Variants in USP24 observed in about 807,000 individuals in gnomAD.
USP24 encodes the protein ubiquitin carboxyl-terminal hydrolase 24.
In USP24, 97 loss-of-function variants were observed where a neutral mutation model predicts 361.6. The observed-to-expected ratio is 0.27, with a 90% CI of 0.23 to 0.32. The LOEUF is 0.32. USP24 is among the 10% of genes least tolerant of loss of function. USP24 has a pLI of 1.00. For synonymous variants in USP24, 1,098 were observed against 1,124.6 expected (o/e 0.98, Z 0.47); for missense variants, 2,353 against 3,165.6 (o/e 0.74, Z 6.16).
intron 16 of USP24, among the ~76,000 whole-genome samples, chr1:55,150,380 C>G (rs1448158742): frequency 6.6e-6 from 1 of 152,076 alleles, no homozygotes; most frequent in Admixed American, 6.6e-5. Context: ...ATCTGAGATG[C>G]AGGGTGCAAT....
At chr1:55,175,127 A>T (rs1027408054) in intron 3 of USP24, among the ~76,000 whole-genome samples, 3 of 149,858 alleles carry the variant, frequency 2.0e-5, no homozygotes, top group Non-Finnish European at 3.0e-5. Flanking sequence ...TTATATATAT[A>T]TTTTTTAAGG....
At chr1:55,171,063 T>A (rs555326676) in intron 5 of USP24, among the ~76,000 whole-genome samples, 1 of 152,214 alleles carries the variant, frequency 6.6e-6, no homozygotes, top group Non-Finnish European at 1.5e-5. Flanking sequence ...GTTTAGATTA[T>A]CTACTTCTTG....
At chr1:55,115,245 G>A (rs778272846) in intron 38 of USP24, among the ~76,000 whole-genome samples, 2 of 151,990 alleles carry the variant, frequency 1.3e-5, no homozygotes, top group Admixed American at 6.5e-5. Context: ...AAGGCCGGGC[G>A]CGGTGGCTCA....
chr1:55,168,820 G>A (rs1486641047), intron 5 of USP24, among the ~76,000 whole-genome samples: 2 of 152,120 alleles, frequency 1.3e-5, no homozygotes, highest in African/African-American at 4.8e-5. Context: ...ATTCTAAAAT[G>A]GTCACAAACT....
rs993366647 is a variant in USP24, at chr1:55,121,353, C to T, written c.4347+83G>A. On this transcript the variant is annotated intron_variant, in intron 37 of 67. Coordinates refer to ENST00000294383, the MANE Select transcript of USP24 (RefSeq NM_015306.3). Reference sequence around the variant, plus strand: ...GAGCACTCAATGCCACTCCTGTATTCCCGACAATGTCACAGGTAGTTGAGA... The same window carrying T: ...GAGCACTCAATGCCACTCCTGTATTTCCGACAATGTCACAGGTAGTTGAGA... 1.4e-5 allele frequency: 18 copies of T among 1,282,744 alleles called. No individual in the cohort carries two copies. The African/African-American group carries it at 2.5e-4, about 18-fold the overall frequency. The allele number at this position is 1,282,744 out of a possible 1,614,324, so 79.5% of individuals were successfully genotyped here.
intron 54 of USP24, among the ~76,000 whole-genome samples, chr1:55,089,988 A>G (rs1314799537): frequency 6.6e-6 from 1 of 152,112 alleles, no homozygotes; most frequent in Non-Finnish European, 1.5e-5. Context: ...ACAAACAAAA[A>G]AGTGTAAAGA....
chr1:55,106,706 C>T (rs1645783664), intron 40 of USP24, among the ~76,000 whole-genome samples: 3 of 152,124 alleles, frequency 2.0e-5, no homozygotes, highest in Admixed American at 1.3e-4. Context: ...TTCTATGTAT[C>T]CCCAGTAGCC....
chr1:55,086,983 T>C (rs2100450872), intron 55 of USP24, among the ~76,000 whole-genome samples: 2 of 152,360 alleles, frequency 1.3e-5, no homozygotes, highest in East Asian at 3.9e-4. Context: ...TAGATCAATC[T>C]GTAAGCAATA....
At chr1:55,138,760 G>C (rs1557621027) in intron 25 of USP24, 42 bp from the exon 26 acceptor site, 1 of 1,446,976 alleles carries the variant, frequency 6.9e-7, no homozygotes, top group South Asian at 1.2e-5. Context: ...CAGCACCACT[G>C]ATAAACACAT....
intron 1 of USP24, among the ~76,000 whole-genome samples, chr1:55,187,636 A>G (rs1289045364): frequency 1.3e-5 from 2 of 152,194 alleles, no homozygotes; most frequent in African/African-American, 2.4e-5. Flanking sequence ...TACACTAACA[A>G]CTGTATTTCT....
intron 67 of USP24, among the ~76,000 whole-genome samples, chr1:55,069,417 T>C (rs1440519908): frequency 1.3e-5 from 2 of 152,238 alleles, no homozygotes; most frequent in Admixed American, 6.5e-5. Context: ...ATGGCCATTG[T>C]GCCCGCTTCA....
At chr1:55,099,969 G>A in intron 44 of USP24, 100 bp from the exon 45 acceptor site, 2 of 839,982 alleles carry the variant, frequency 2.4e-6, no homozygotes, top group Non-Finnish European at 3.7e-6. Context: ...ATAAAAATCA[G>A]GTTCACTATT....
chr1:55,163,303 T>C (rs1156870737), intron 7 of USP24, among the ~76,000 whole-genome samples: 1 of 151,978 alleles, frequency 6.6e-6, no homozygotes, highest in African/African-American at 2.4e-5. Context: ...AACTTCTATA[T>C]AGCAAAAGAT....
chr1:55,178,204 C>T (rs1650183888), intron 1 of USP24, 72 bp from the exon 2 acceptor site: 1 of 1,494,192 alleles, frequency 6.7e-7, no homozygotes, highest in Non-Finnish European at 9.1e-7. Context: ...TCCTATGTAA[C>T]ACAGAGCAGA....
rs368095794 is a variant in USP24 at position 55,097,014 on chromosome 1, A to C, written c.5874T>G (p.Gly1958=). The C allele has an allele frequency of 5.0e-6, 8 of 1,613,788 alleles. No homozygotes were observed. Among genetic ancestry groups the C allele is most frequent in the Admixed American group, 3.3e-5 (2 of 59,990 alleles). The change falls in exon 49 of 68, where the codon GGT becomes GGG. Residue 1958 remains glycine (G), a synonymous_variant. Transcript: ENST00000294383. ...GTGCCTGCCCACTGTGTACGATGAC[A>C]CCGACAAGTTCATAGTTTTCTGTGA... ...VALTENYELV[G]VIVHSGQAHA...
chr1:55,089,584 A>G, intron 55 of USP24, 43 bp downstream of exon 55: 1 of 1,355,556 alleles, frequency 7.4e-7, no homozygotes, highest in Non-Finnish European at 1.0e-6. Flanking sequence ...AAATCACTGG[A>G]AGAGACACAA....
intron 62 of USP24, among the ~76,000 whole-genome samples, chr1:55,076,412 T>C (rs555612519): frequency 6.0e-4 from 91 of 152,240 alleles, no homozygotes; most frequent in Non-Finnish European, 9.1e-4. Context: ...GCATCTATGA[T>C]GTCTTTTCTT....
intron 45 of USP24, among the ~76,000 whole-genome samples, chr1:55,099,042 C>T (rs1159366412): frequency 1.3e-5 from 2 of 152,162 alleles, no homozygotes; most frequent in Non-Finnish European, 2.9e-5. Context: ...TGGGTTTCAA[C>T]AGCACCACGA....
At chr1:55,109,602 A>G (rs914037810) in intron 39 of USP24, among the ~76,000 whole-genome samples, 5 of 151,834 alleles carry the variant, frequency 3.3e-5, no homozygotes, top group Non-Finnish European at 7.4e-5. Context: ...GTGGATCCTG[A>G]TTTTTATTTT....
Sources: allele counts gnomAD v4.1 joint callset (sites outside exome capture counted in the v4.1 genomes callset), GRCh38; gene constraint gnomAD v4.1.1; transcripts MANE v1.5; gene names NCBI Gene and HGNC (gene_info 2026-07-23, HGNC 2026-07-21).